Variants in MTUS2 observed in about 807,000 individuals in gnomAD.
MTUS2 encodes microtubule associated scaffold protein 2, also known as microtubule-associated tumor suppressor candidate 2.
MTUS2 carries 40 observed loss-of-function variants against 114.1 expected under a neutral mutation model. The observed-to-expected ratio is 0.35, with a 90% CI of 0.27 to 0.46. The LOEUF (loss-of-function observed/expected upper bound fraction) is 0.46. Ranked by LOEUF, MTUS2 falls within the 20% of genes least tolerant of loss-of-function variation. MTUS2 has a pLI of 1.00. For synonymous variants in MTUS2, 688 were observed against 672.0 expected (o/e 1.02, Z -0.37); for missense variants, 1,679 against 1,705.4 (o/e 0.98, Z 0.27).
chr13:29,203,622 T>C (rs1004634485), intron 5 of MTUS2, among the ~76,000 whole-genome samples: 2 of 151,402 alleles, frequency 1.3e-5, no homozygotes, highest in African/African-American at 2.4e-5. Context: ...GCTGCACAAT[T>C]TTGTGCTTCA....
intron 5 of MTUS2, among the ~76,000 whole-genome samples, chr13:29,102,343 A>G (rs1890456801): frequency 6.6e-6 from 1 of 152,160 alleles, no homozygotes; most frequent in Non-Finnish European, 1.5e-5. Flanking sequence ...CTTTCCAACA[A>G]AGGAGTTAAG....
chr13:29,228,135 A>G (rs1176128902), intron 5 of MTUS2, among the ~76,000 whole-genome samples: 5 of 152,216 alleles, frequency 3.3e-5, no homozygotes, highest in African/African-American at 1.2e-4. Flanking sequence ...ATTTATGACC[A>G]CATGTCATGG....
chr13:29,290,605 C>T (rs992035867), intron 6 of MTUS2, among the ~76,000 whole-genome samples: 6 of 152,220 alleles, frequency 3.9e-5, no homozygotes, highest in Non-Finnish European at 5.9e-5. Context: ...GCTGGGATTA[C>T]AGGCGTTAAC....
At chr13:29,116,755 T>C (rs374160632) in intron 5 of MTUS2, among the ~76,000 whole-genome samples, 7 of 152,132 alleles carry the variant, frequency 4.6e-5, no homozygotes, top group African/African-American at 1.7e-4. Flanking sequence ...TCAGGGTAGG[T>C]AGGCAGGGCT....
chr13:29,502,712 G>A (rs1221986901), intron 15 of MTUS2, among the ~76,000 whole-genome samples: 1 of 152,230 alleles, frequency 6.6e-6, no homozygotes, highest in Non-Finnish European at 1.5e-5. Context: ...CCTTTCAGTC[G>A]CTGGCCTTTG....
chr13:29,465,891 G>T lies in MTUS2; in HGVS notation c.3185-14259G>T, dbSNP rs564668727. Among the ~76,000 whole-genome samples, 10 of 152,362 alleles carry T rather than the reference G, an allele frequency of 6.6e-5. No homozygotes were observed. The East Asian group carries it at 1.7e-3, about 26-fold the overall frequency. ...CTAAGTTAGAACAGTCTGCCTGCTG[G>T]CAGGAAGCCAGGGCTGCATGGAGAA... On this transcript the variant is annotated intron_variant, in intron 9 of 15. Coordinates refer to ENST00000612955, the MANE Select transcript of MTUS2 (RefSeq NM_001033602.4).
chr13:29,279,141 G>T (rs931115507), intron 5 of MTUS2, among the ~76,000 whole-genome samples: 1 of 152,124 alleles, frequency 6.6e-6, no homozygotes, highest in South Asian at 2.1e-4. Context: ...CAACAGCTCT[G>T]TGAGGTAGAT....
chr13:28,925,457 A>G (rs1206573573), intron 2 of MTUS2, among the ~76,000 whole-genome samples: 4 of 152,242 alleles, frequency 2.6e-5, no homozygotes, highest in African/African-American at 9.6e-5. Flanking sequence ...TTATGAAGAA[A>G]TACTAATCAT....
At chr13:29,151,911 A>T (rs1039245147) in intron 5 of MTUS2, among the ~76,000 whole-genome samples, 1 of 152,076 alleles carries the variant, frequency 6.6e-6, no homozygotes, top group Non-Finnish European at 1.5e-5. Flanking sequence ...TACCTTTTTG[A>T]TGGGCTGCTG....
chr13:28,971,159 T>G (rs1386169426), intron 2 of MTUS2, among the ~76,000 whole-genome samples: 1 of 152,216 alleles, frequency 6.6e-6, no homozygotes, highest in African/African-American at 2.4e-5. Context: ...ATGGGAAAGC[T>G]TCTTCATTTC....
At chr13:28,947,432 T>G (rs1255308540) in intron 2 of MTUS2, among the ~76,000 whole-genome samples, 1 of 152,242 alleles carries the variant, frequency 6.6e-6, no homozygotes, top group African/African-American at 2.4e-5. Context: ...ACTTTTCTTT[T>G]GATAGACATT....
chr13:29,078,809 A>T (rs1030303596), intron 4 of MTUS2, among the ~76,000 whole-genome samples: 1 of 152,196 alleles, frequency 6.6e-6, no homozygotes, highest in Non-Finnish European at 1.5e-5. Context: ...TGTATAGGTA[A>T]TCCACTTTGT....
At chr13:29,432,010 A>ATTT (rs57182093) in intron 8 of MTUS2, among the ~76,000 whole-genome samples, 1,209 of 80,930 alleles carry the variant, frequency 0.015, 20 homozygotes, top group South Asian at 0.061. Context: ...ACGCTCAGCT[A>ATTT]TTTTTTTTTT....
intron 5 of MTUS2, among the ~76,000 whole-genome samples, chr13:29,126,738 C>A (rs138826225): frequency 6.6e-6 from 1 of 151,878 alleles, no homozygotes; most frequent in Non-Finnish European, 1.5e-5. Context: ...TATTGGACAC[C>A]CCTGCTCTAC....
At chr13:29,488,809 A>AC (rs1168008271) in intron 11 of MTUS2, among the ~76,000 whole-genome samples, 1 of 152,202 alleles carries the variant, frequency 6.6e-6, no homozygotes, top group Non-Finnish European at 1.5e-5. Flanking sequence ...CATTTTTGTA[A>AC]CTTTGAATTA....
chr13:29,192,898 G>C (rs1894506060), intron 5 of MTUS2, among the ~76,000 whole-genome samples: 1 of 152,168 alleles, frequency 6.6e-6, no homozygotes, highest in Non-Finnish European at 1.5e-5. Flanking sequence ...TTTAGGTCCA[G>C]AATGGATGAA....
intron 2 of MTUS2, among the ~76,000 whole-genome samples, chr13:28,992,830 G>A (rs761466205): frequency 1.1e-4 from 17 of 152,054 alleles, no homozygotes; most frequent in Non-Finnish European, 2.2e-4. Context: ...ACCACCATCC[G>A]TCTCCAGAAG....
At chr13:29,414,222 G>A (rs36164353) in intron 8 of MTUS2, among the ~76,000 whole-genome samples, 6,799 of 51,092 alleles carry the variant, frequency 0.13, 771 homozygotes, top group African/African-American at 0.29. Flanking sequence ...ACCAAACACC[G>A]CATATTCTCA....
At chr13:29,356,753 T>G (rs1869774838) in intron 7 of MTUS2, among the ~76,000 whole-genome samples, 1 of 152,238 alleles carries the variant, frequency 6.6e-6, no homozygotes, top group African/African-American at 2.4e-5. Context: ...CTTTTCAACT[T>G]AAAGCAATAG....
Sources: gnomAD v4.1 joint callset for allele counts (sites outside exome capture counted in the v4.1 genomes callset) on GRCh38, gnomAD v4.1.1 for gene constraint, MANE v1.5 for transcripts, NCBI Gene and HGNC (gene_info 2026-07-23, HGNC 2026-07-21) for gene names.